SLC4A5: variants seen among roughly 807,000 people sequenced by gnomAD.
SLC4A5 encodes electrogenic sodium bicarbonate cotransporter 4.
A neutral mutation model predicts 120.4 loss-of-function variants in SLC4A5; 96 were observed. The observed-to-expected ratio is 0.80, with a 90% CI of 0.68 to 0.94. The LOEUF (loss-of-function observed/expected upper bound fraction) is 0.94, where lower values mean the gene tolerates loss of function less well. Among genes scored for constraint, SLC4A5 ranks in the 40% least tolerant of loss-of-function variants. The pLI, the probability that SLC4A5 is intolerant of heterozygous loss-of-function variation, is 0.00. For missense variants in SLC4A5, 1,259 were observed against 1,459.5 expected (o/e 0.86, Z 2.24); for synonymous variants, 550 against 571.1 (o/e 0.96, Z 0.53).
At chr2:74,222,093 C>T (rs2103870102) in intron 29 of SLC4A5, among the ~76,000 whole-genome samples, 1 of 152,284 alleles carries the variant, frequency 6.6e-6, no homozygotes, top group Middle Eastern at 3.4e-3. Flanking sequence ...AGCACAACCA[C>T]CACGAGGACC....
chr2:74,314,880 T>C, intron 6 of SLC4A5, 65 bp downstream of exon 6: 1 of 1,428,768 alleles, frequency 7.0e-7, no homozygotes, highest in Non-Finnish European at 9.9e-7. Context: ...AGAGCTGTCA[T>C]AAAGACATTC....
chr2:74,246,960 TAG>T, intron 19 of SLC4A5, 74 bp downstream of exon 19: 1 of 1,553,260 alleles, frequency 6.4e-7, no homozygotes, highest in East Asian at 2.2e-5. Flanking sequence ...GCAGTAGAAG[TAG>T]AGAGCTGTGG....
At chr2:74,297,848 C>G (rs894274518) in intron 7 of SLC4A5, among the ~76,000 whole-genome samples, 2 of 152,156 alleles carry the variant, frequency 1.3e-5, no homozygotes, top group African/African-American at 2.4e-5. Context: ...AATAAACCAA[C>G]TGCTATGGCC....
At chr2:74,293,036 G>A (rs1039264821) in intron 7 of SLC4A5, among the ~76,000 whole-genome samples, 1 of 147,316 alleles carries the variant, frequency 6.8e-6, no homozygotes, top group Non-Finnish European at 1.5e-5. Flanking sequence ...CAAGAGAGGA[G>A]CCAAGAACAA....
intron 19 of SLC4A5, among the ~76,000 whole-genome samples, chr2:74,246,221 G>A: frequency 6.6e-6 from 1 of 152,198 alleles, no homozygotes; most frequent in East Asian, 1.9e-4. Context: ...TTACCAGGTT[G>A]ACCCCATCTG....
intron 8 of SLC4A5, among the ~76,000 whole-genome samples, chr2:74,280,875 T>C (rs1671792045): frequency 6.6e-6 from 1 of 151,980 alleles, no homozygotes; most frequent in Non-Finnish European, 1.5e-5. Context: ...TTAGTAGAGA[T>C]GGGGTTTCAC....
chr2:74,303,951 G>T (rs1017006335), intron 7 of SLC4A5, among the ~76,000 whole-genome samples: 2 of 149,890 alleles, frequency 1.3e-5, no homozygotes, highest in African/African-American at 2.4e-5. Flanking sequence ...CCGGGTTCAC[G>T]CCATTCTCCT....
At chr2:74,276,666 A>ACCT (rs1309870113) in intron 8 of SLC4A5, among the ~76,000 whole-genome samples, 1 of 152,224 alleles carries the variant, frequency 6.6e-6, no homozygotes, top group Non-Finnish European at 1.5e-5. Flanking sequence ...TTAAGTGTAT[A>ACCT]TCTTCATTAC....
At chr2:74,224,874 C>A (rs1694786748) in exon 28 of SLC4A5, 1 of 1,612,692 alleles carries the variant, frequency 6.2e-7, no homozygotes, top group Admixed American at 1.7e-5. Flanking sequence ...CCCTTTTTTT[C>A]TCTTCCTCTT....
At chr2:74,246,167 G>A (rs1015377293) in intron 19 of SLC4A5, among the ~76,000 whole-genome samples, 1 of 152,240 alleles carries the variant, frequency 6.6e-6, no homozygotes, top group African/African-American at 2.4e-5. Flanking sequence ...ACAGATGACA[G>A]GTGTTTTGGC....
chr2:74,324,679 G>A (rs1050439286), intron 5 of SLC4A5, among the ~76,000 whole-genome samples: 3 of 152,130 alleles, frequency 2.0e-5, no homozygotes, highest in Non-Finnish European at 2.9e-5. Context: ...GAGAAGCTGA[G>A]TAACAGATTT....
At chr2:74,290,413 A>C in intron 7 of SLC4A5, 1 of 985,404 alleles carries the variant, frequency 1.0e-6, no homozygotes, top group Non-Finnish European at 1.2e-6. Context: ...TGGGGAGAGA[A>C]GAAGGGGGGT....
intron 3 of SLC4A5, among the ~76,000 whole-genome samples, chr2:74,337,712 G>A (rs772472344): frequency 6.6e-5 from 10 of 152,182 alleles, no homozygotes; most frequent in Non-Finnish European, 8.8e-5. Flanking sequence ...TCTCTGCTCC[G>A]AAATTAAATG....
At chr2:74,312,225 CTATATGTGTGTGTG>C (rs1415926469) in intron 6 of SLC4A5, among the ~76,000 whole-genome samples, 5 of 151,200 alleles carry the variant, frequency 3.3e-5, no homozygotes, top group Non-Finnish European at 7.4e-5. Context: ...ATCTATATCT[CTATATGTGTGTGTG>C]TATATGTGTG....
chr2:74,313,476 G>A (rs1246593451), intron 6 of SLC4A5, among the ~76,000 whole-genome samples: 1 of 152,038 alleles, frequency 6.6e-6, no homozygotes, highest in African/African-American at 2.4e-5. Flanking sequence ...AGGTACTAGG[G>A]GTCAGGTTAC....
intron 2 of SLC4A5, among the ~76,000 whole-genome samples, chr2:74,341,052 C>T (rs1404823845): frequency 6.6e-6 from 1 of 152,176 alleles, no homozygotes; most frequent in East Asian, 1.9e-4. Context: ...CGCCTGTAAT[C>T]TCAACACTTT....
At chr2:74,244,755 C>T (rs1420365512) in intron 19 of SLC4A5, among the ~76,000 whole-genome samples, 1 of 152,088 alleles carries the variant, frequency 6.6e-6, no homozygotes, top group Non-Finnish European at 1.5e-5. Flanking sequence ...CCAGAGTTTC[C>T]GATTCAGCAG....
intron 5 of SLC4A5, among the ~76,000 whole-genome samples, 186 bp from the exon 6 acceptor site, chr2:74,315,211 G>A (rs890777141): frequency 2.0e-5 from 3 of 152,018 alleles, no homozygotes; most frequent in African/African-American, 4.8e-5. Context: ...AGGCTGAGGC[G>A]GGTGGATCAC....
intron 4 of SLC4A5, among the ~76,000 whole-genome samples, chr2:74,330,853 T>G (rs1337064736): frequency 1.3e-4 from 1 of 7,562 alleles, no homozygotes; most frequent in Non-Finnish European, 2.6e-4. Context: ...GGTGTAGGTG[T>G]AGGTGGTGAG....
Sources: allele counts gnomAD v4.1 joint callset (sites outside exome capture counted in the v4.1 genomes callset), GRCh38; gene constraint gnomAD v4.1.1; transcripts MANE v1.5; gene names NCBI Gene and HGNC (gene_info 2026-07-23, HGNC 2026-07-21).